The following NCAM2 variants were observed in gnomAD, a reference collection of about 807,000 sequenced individuals.
The protein encoded by NCAM2 is neural cell adhesion molecule 2.
Under a neutral mutation model 98.1 loss-of-function variants are expected in NCAM2, and 30 were observed. The ratio of observed to expected loss-of-function variants is 0.31; its 90% CI spans 0.23 to 0.41. NCAM2 has a LOEUF of 0.41. NCAM2 is among the 10% of genes least tolerant of loss of function. The pLI is 1.00. For synonymous variants in NCAM2, 368 were observed against 342.4 expected (o/e 1.07, Z -0.83); for missense variants, 867 against 1,005.8 (o/e 0.86, Z 1.87).
At chr21:21,117,514 A>T (rs945751879) in intron 1 of NCAM2, among the ~76,000 whole-genome samples, 1 of 152,228 alleles carries the variant, frequency 6.6e-6, no homozygotes, top group African/African-American at 2.4e-5. Context: ...GAAATTGTGA[A>T]TATATTTATG....
intron 1 of NCAM2, among the ~76,000 whole-genome samples, chr21:21,153,015 T>G (rs1456258570): frequency 2.0e-5 from 3 of 151,950 alleles, no homozygotes; most frequent in South Asian, 2.1e-4. Context: ...GTCAGGGTGA[T>G]CTAGTTTTTC....
intron 9 of NCAM2, among the ~76,000 whole-genome samples, chr21:21,387,176 GCACA>G (rs1380226141): frequency 8.0e-6 from 1 of 125,444 alleles, no homozygotes; most frequent in East Asian, 2.1e-4. Flanking sequence ...TACTTGGTGC[GCACA>G]CACACATACA....
intron 11 of NCAM2, among the ~76,000 whole-genome samples, chr21:21,420,426 GA>G (rs1386463502): frequency 6.6e-6 from 1 of 151,732 alleles, no homozygotes; most frequent in East Asian, 1.9e-4. Flanking sequence ...AGCTCAAATG[GA>G]AAAAATGTGA....
chr21:21,495,139 T>A (rs1409042529), intron 15 of NCAM2, among the ~76,000 whole-genome samples: 4 of 151,898 alleles, frequency 2.6e-5, no homozygotes, highest in African/African-American at 9.7e-5. Context: ...GGGGGCTACT[T>A]AAAATTCCAT....
intron 1 of NCAM2, among the ~76,000 whole-genome samples, chr21:21,231,557 C>A (rs1388058208): frequency 6.6e-6 from 1 of 151,224 alleles, no homozygotes; most frequent in Non-Finnish European, 1.5e-5. Context: ...GTTTCAAGGA[C>A]AGTTTTAGTA....
At chr21:21,203,293 T>G (rs1317082445) in intron 1 of NCAM2, among the ~76,000 whole-genome samples, 1 of 152,210 alleles carries the variant, frequency 6.6e-6, no homozygotes, top group Non-Finnish European at 1.5e-5. Context: ...TCTTGTTAAT[T>G]ACTACCTCTA....
intron 1 of NCAM2, among the ~76,000 whole-genome samples, chr21:21,243,924 C>T (rs1221905456): frequency 6.6e-6 from 1 of 152,002 alleles, no homozygotes; most frequent in African/African-American, 2.4e-5. Context: ...TACTGTATGC[C>T]CATAAGGATC....
intron 1 of NCAM2, among the ~76,000 whole-genome samples, chr21:21,176,108 G>T (rs763680633): frequency 6.6e-6 from 1 of 152,134 alleles, no homozygotes; most frequent in Non-Finnish European, 1.5e-5. Context: ...AAGCATTAGG[G>T]TAGCTGAGAT....
At chr21:21,251,392 G>T (rs1034088420) in intron 1 of NCAM2, among the ~76,000 whole-genome samples, 1 of 151,800 alleles carries the variant, frequency 6.6e-6, no homozygotes, top group South Asian at 2.1e-4. Flanking sequence ...CCACTTATGA[G>T]TGAGAACATG....
chr21:21,275,322 C>T lies in NCAM2; in HGVS notation c.56-5256C>T, dbSNP rs553966138. Among the ~76,000 whole-genome samples the T allele has an allele frequency of 3.3e-5, 5 of 151,912 alleles. No homozygotes were observed. In the East Asian group the frequency reaches 9.7e-4, roughly 29 times the overall value. ...GGGCGTGGTGGCGGGTGCCTGTAGT[C>T]CCAGCTACTCTGGAGGCTGAGGCAG... On this transcript the variant is annotated intron_variant, in intron 1 of 17. Transcript: ENST00000400546.
intron 8 of NCAM2, among the ~76,000 whole-genome samples, chr21:21,372,568 A>G (rs2075943948): frequency 6.6e-6 from 1 of 151,828 alleles, no homozygotes; most frequent in East Asian, 1.9e-4. Flanking sequence ...GATATTTGTA[A>G]TGCGTTTCTG....
chr21:21,007,493 A>G (rs2064133251), intron 1 of NCAM2, among the ~76,000 whole-genome samples: 1 of 152,318 alleles, frequency 6.6e-6, no homozygotes, highest in African/African-American at 2.4e-5. Context: ...TTTGTTCTTC[A>G]TTATATGCTA....
chr21:21,336,911 G>A (rs2074887239), intron 7 of NCAM2, among the ~76,000 whole-genome samples: 1 of 152,162 alleles, frequency 6.6e-6, no homozygotes, highest in Non-Finnish European at 1.5e-5. Flanking sequence ...TAATGTTTAG[G>A]TGATGTTCAG....
chr21:21,456,572 A>G (rs1203191776), intron 12 of NCAM2, among the ~76,000 whole-genome samples: 1 of 152,200 alleles, frequency 6.6e-6, no homozygotes, highest in African/African-American at 2.4e-5. Flanking sequence ...AATTTTAAAA[A>G]GATCTTACAC....
chr21:21,398,034 A>G (rs922187318), intron 9 of NCAM2, among the ~76,000 whole-genome samples: 1 of 152,264 alleles, frequency 6.6e-6, no homozygotes, highest in African/African-American at 2.4e-5. Flanking sequence ...TCCATTAATC[A>G]ATGAGTGGAT....
intron 2 of NCAM2, among the ~76,000 whole-genome samples, chr21:21,282,774 G>T (rs1009245042): frequency 6.6e-6 from 1 of 151,246 alleles, no homozygotes; most frequent in South Asian, 2.1e-4. Context: ...TAATCTGTAC[G>T]TACAAATAGT....
At chr21:21,214,029 C>T (rs2069765802) in intron 1 of NCAM2, among the ~76,000 whole-genome samples, 1 of 152,136 alleles carries the variant, frequency 6.6e-6, no homozygotes, top group Admixed American at 6.5e-5. Context: ...TGAACACCAA[C>T]TTCTACTTTA....
chr21:21,471,009 G>A (rs561927402), intron 14 of NCAM2, among the ~76,000 whole-genome samples: 3 of 150,884 alleles, frequency 2.0e-5, no homozygotes, highest in African/African-American at 4.9e-5. Context: ...TTTTTCAAGC[G>A]CCAATGGAAA....
intron 1 of NCAM2, among the ~76,000 whole-genome samples, chr21:21,190,598 G>A (rs1157803025): frequency 6.6e-6 from 1 of 152,154 alleles, no homozygotes; most frequent in Non-Finnish European, 1.5e-5. Flanking sequence ...GTTTGGTTTA[G>A]GAATCTTCCC....
Sources: gnomAD v4.1 joint callset for allele counts (sites outside exome capture counted in the v4.1 genomes callset) on GRCh38, gnomAD v4.1.1 for gene constraint, MANE v1.5 for transcripts, NCBI Gene and HGNC (gene_info 2026-07-23, HGNC 2026-07-21) for gene names.